Variants in TAOK1 observed in about 807,000 individuals in gnomAD.
TAOK1 encodes serine/threonine-protein kinase TAO1.
Under a neutral mutation model 138.3 loss-of-function variants are expected in TAOK1, and 21 were observed. The observed-to-expected ratio is 0.15, with a 90% confidence interval of 0.11 to 0.22. The LOEUF (loss-of-function observed/expected upper bound fraction) is 0.22, where lower values mean the gene tolerates loss of function less well. TAOK1 is among the 10% of genes least tolerant of loss of function. TAOK1 has a pLI of 1.00. For missense variants in TAOK1, 651 were observed against 1,227.7 expected (o/e 0.53, Z 7.02); for synonymous variants, 361 against 398.4 (o/e 0.91, Z 1.12).
At chr17:29,485,752 C>G (rs1222309422) in intron 8 of TAOK1, among the ~76,000 whole-genome samples, 1 of 152,186 alleles carries the variant, frequency 6.6e-6, no homozygotes. Context: ...TTATCTCACC[C>G]TTTGGTGATT....
At position 29,541,975 on chromosome 17, in the gene TAOK1, C is replaced by T. The variant is rs180749136; in HGVS notation, c.2545-586C>T. ...CTGCAAGCTTCACCTCCCGGGTTCACACCATTCTCCTGCCTCAGCCTCCTG... is the reference window on the plus strand; with the variant it reads ...CTGCAAGCTTCACCTCCCGGGTTCATACCATTCTCCTGCCTCAGCCTCCTG... On this transcript the variant is annotated intron_variant, in intron 19 of 19. Transcript: ENST00000261716. Among the ~76,000 whole-genome samples, 95 of 151,914 alleles carry T rather than the reference C, an allele frequency of 6.3e-4. No individual in the cohort carries two copies. The East Asian group carries it at 0.018, about 29-fold the overall frequency.
intron 1 of TAOK1, among the ~76,000 whole-genome samples, chr17:29,449,414 T>C (rs2030176385): frequency 6.6e-6 from 1 of 152,172 alleles, no homozygotes; most frequent in Admixed American, 6.6e-5. Context: ...TATTGCAGTG[T>C]GGTGTTAATT....
chr17:29,440,539 A>T (rs924092751), intron 1 of TAOK1, among the ~76,000 whole-genome samples: 1 of 151,884 alleles, frequency 6.6e-6, no homozygotes, highest in African/African-American at 2.4e-5. Flanking sequence ...TACTTATCAT[A>T]TACTGTAAAT....
rs200924650 is a variant in TAOK1 at position 29,491,879 on chromosome 17, T to C, written c.831+14T>C. 3.2e-6 allele frequency: 5 copies of C among 1,575,834 alleles called. No homozygotes were observed. In the Admixed American group the frequency reaches 6.8e-5, roughly 21 times the overall value. On this transcript the variant is annotated intron_variant, in intron 10 of 19. Coordinates refer to ENST00000261716, the MANE Select transcript of TAOK1 (RefSeq NM_020791.4). ...GAACTTTTAAAGGTCAGTTCTATTATAGTTTATTTATTTATTTTATTTTAA... is the reference window on the plus strand; with the variant it reads ...GAACTTTTAAAGGTCAGTTCTATTACAGTTTATTTATTTATTTTATTTTAA...
chr17:29,487,014 C>G (rs2031185903), intron 8 of TAOK1, among the ~76,000 whole-genome samples: 1 of 152,012 alleles, frequency 6.6e-6, no homozygotes, highest in Non-Finnish European at 1.5e-5. Flanking sequence ...TTTGGGAGGC[C>G]AAGGCGGGCA....
At chr17:29,429,898 T>C (rs1905770645) in intron 1 of TAOK1, among the ~76,000 whole-genome samples, 1 of 152,198 alleles carries the variant, frequency 6.6e-6, no homozygotes, top group Admixed American at 6.5e-5. Context: ...TATTTTGAAA[T>C]AAATAAGACT....
chr17:29,425,477 G>A (rs1025879214), intron 1 of TAOK1, among the ~76,000 whole-genome samples: 5 of 152,154 alleles, frequency 3.3e-5, no homozygotes, highest in Non-Finnish European at 5.9e-5. Context: ...TCACGAGTTT[G>A]AGACCAGCCT....
chr17:29,472,868 G>T (rs1383984120), intron 3 of TAOK1, among the ~76,000 whole-genome samples: 1 of 152,206 alleles, frequency 6.6e-6, no homozygotes, highest in East Asian at 1.9e-4. Context: ...GAGCCACTGT[G>T]CCCTGCTGGC....
chr17:29,490,877 C>T (rs2031283772), intron 9 of TAOK1, among the ~76,000 whole-genome samples: 1 of 152,186 alleles, frequency 6.6e-6, no homozygotes, highest in Non-Finnish European at 1.5e-5. Context: ...TGTGTCCTCA[C>T]ATGGCAGAGA....
rs572302201 is a variant in TAOK1, at chr17:29,550,522, G to C, written c.*7500G>C. 1 of 152,274 alleles carries C rather than the reference G, an allele frequency of 6.6e-6. No homozygotes were observed. Among genetic ancestry groups the C allele is most frequent in the Admixed American group, 6.5e-5 (1 of 15,306 alleles). 9.4% of individuals were successfully genotyped at this position (152,274 alleles called of 1,614,324 possible). ...ATGAAAAAGCCTAATGCGCATTAAT[G>C]AGGTTGAAGAGACTATGAGAAATAT... On this transcript the variant is annotated 3_prime_UTR_variant, in exon 20 of 20. Transcript: ENST00000261716.
intron 1 of TAOK1, among the ~76,000 whole-genome samples, chr17:29,449,814 C>G (rs2030187669): frequency 6.6e-6 from 1 of 152,050 alleles, no homozygotes; most frequent in Non-Finnish European, 1.5e-5. Flanking sequence ...GCACTCCAGC[C>G]TGGGTGACAG....
chr17:29,476,459 AG>A (rs2030942804), intron 4 of TAOK1, among the ~76,000 whole-genome samples: 1 of 152,296 alleles, frequency 6.6e-6, no homozygotes, highest in East Asian at 1.9e-4. Flanking sequence ...TCTGCCTCTC[AG>A]GGTTCTCCAA....
At chr17:29,420,588 T>G (rs1021874658) in intron 1 of TAOK1, among the ~76,000 whole-genome samples, 4 of 149,908 alleles carry the variant, frequency 2.7e-5, no homozygotes, top group African/African-American at 9.8e-5. Flanking sequence ...TTAATCTGTT[T>G]TTTTTTTTTT....
At chr17:29,540,550 G>GGTTGTTT (rs1404980029) in intron 19 of TAOK1, among the ~76,000 whole-genome samples, 1 of 151,090 alleles carries the variant, frequency 6.6e-6, no homozygotes, top group Non-Finnish European at 1.5e-5. Context: ...TTTGTTTTTG[G>GGTTGTTT]GTTGTTTGTT....
intron 10 of TAOK1, among the ~76,000 whole-genome samples, chr17:29,492,205 C>A (rs2031308150): frequency 1.3e-5 from 2 of 152,090 alleles, no homozygotes; most frequent in African/African-American, 4.8e-5. Context: ...TTTGTTCTTA[C>A]CCCTAAGAAA....
At position 29,542,656 on chromosome 17, in the gene TAOK1, T is replaced by C. The variant is rs1567750752; in HGVS notation, c.2640T>C (p.Ser880=). ...RQAREIEAFD[S]ESMRLGFSNM... ...CCAGAGAGATTGAAGCTTTTGACTC[T>C]GAAAGCATGAGACTAGGTTTTAGTA... Residue 880 remains serine (S), a synonymous_variant, in exon 20 of 20, where the codon TCT becomes TCC. Transcript: ENST00000261716. The C allele has an allele frequency of 6.8e-6, 11 of 1,614,260 alleles. No homozygotes were observed. The highest frequency in any genetic ancestry group is 7.6e-6 in the Non-Finnish European group (9 of 1,180,046).
chr17:29,472,235 T>C (rs1479907793), intron 3 of TAOK1, among the ~76,000 whole-genome samples: 1 of 150,840 alleles, frequency 6.6e-6, no homozygotes, highest in Non-Finnish European at 1.5e-5. Context: ...TTGCTGTCTA[T>C]GGCAGCTATA....
At chr17:29,421,859 TCCTATAGTG>T (rs1905454267) in intron 1 of TAOK1, among the ~76,000 whole-genome samples, 1 of 151,926 alleles carries the variant, frequency 6.6e-6, no homozygotes, top group African/African-American at 2.4e-5. Flanking sequence ...CCACTCGGCT[TCCTATAGTG>T]CTAGGATTAC....
At chr17:29,499,859 T>G (rs1440432297) in intron 12 of TAOK1, among the ~76,000 whole-genome samples, 1 of 152,098 alleles carries the variant, frequency 6.6e-6, no homozygotes, top group South Asian at 2.1e-4. Flanking sequence ...CTGCACCCAG[T>G]GTATATCTTA....
Sources: gnomAD v4.1 joint callset for allele counts (sites outside exome capture counted in the v4.1 genomes callset) on GRCh38, gnomAD v4.1.1 for gene constraint, MANE v1.5 for transcripts, NCBI Gene and HGNC (gene_info 2026-07-23, HGNC 2026-07-21) for gene names.